The following DIO2 variants were observed in gnomAD, a reference collection of about 807,000 sequenced individuals.
The protein encoded by DIO2 is iodothyronine deiodinase 2, also known as type II iodothyronine deiodinase.
Under a neutral mutation model 21.4 loss-of-function variants are expected in DIO2, and 19 were observed. The observed-to-expected ratio is 0.89, with a 90% CI of 0.62 to 1.30. DIO2 has a LOEUF of 1.30. DIO2 is among the 50% of genes most tolerant of loss of function. DIO2 has a pLI of 0.00. For synonymous variants in DIO2, 122 were observed against 132.9 expected (o/e 0.92, Z 0.57); for missense variants, 302 against 338.1 (o/e 0.89, Z 0.84).
intron 2 of DIO2, among the ~76,000 whole-genome samples, chr14:80,226,565 C>A (rs1888580663): frequency 6.6e-6 from 1 of 152,210 alleles, no homozygotes. Context: ...GCTGGCTGAT[C>A]ACCCCAAGGA....
intron 2 of DIO2, among the ~76,000 whole-genome samples, chr14:80,218,090 A>G (rs540365239): frequency 3.0e-4 from 45 of 152,320 alleles, no homozygotes; most frequent in African/African-American, 9.6e-4. Flanking sequence ...ACTTAGCTGT[A>G]TTCTAAAAAT....
chr14:80,212,639 A>G (rs1430195001), upstream of DIO2, among the ~76,000 whole-genome samples: 1 of 152,104 alleles, frequency 6.6e-6, no homozygotes, highest in Non-Finnish European at 1.5e-5. Context: ...CAATCTTTAT[A>G]CCTTTATACC....
In DIO2 at chr14:80,202,294, C is replaced by A; in HGVS notation, c.*395G>T. The A allele has an allele frequency of 1.9e-6, 1 of 523,694 alleles. No homozygotes were observed. The highest frequency in any genetic ancestry group is 3.8e-6 in the Non-Finnish European group (1 of 263,366). The allele number at this position is 523,694 out of a possible 1,614,324, so 32.4% of individuals were successfully genotyped here. A position where few individuals can be genotyped will look rare whatever the true frequency, so the allele number is the denominator to read the frequency against. ...CCATCCATGCCAAATAGAGCCAAGGCAATACCCTTTATCTTAACGTAGACA... is the reference window on the plus strand; with the variant it reads ...CCATCCATGCCAAATAGAGCCAAGGAAATACCCTTTATCTTAACGTAGACA... On this transcript the variant is annotated 3_prime_UTR_variant, in exon 2 of 2. Coordinates refer to ENST00000438257, the MANE Select transcript of DIO2 (RefSeq NM_013989.5).
intron 1 of DIO2, 110 bp from the exon 2 acceptor site, chr14:80,203,398 T>A: frequency 7.8e-7 from 1 of 1,282,638 alleles, no homozygotes; most frequent in South Asian, 1.7e-5. Context: ...TCTAATAGAG[T>A]GTGGTATTTC....
chr14:80,215,588 G>A (rs1888332189), upstream of DIO2, among the ~76,000 whole-genome samples: 2 of 152,164 alleles, frequency 1.3e-5, no homozygotes, highest in African/African-American at 4.8e-5. Context: ...TCTAATTCCA[G>A]TGATTTGTCA....
At chr14:80,214,394 T>C (rs1429561030), upstream of DIO2, among the ~76,000 whole-genome samples, 1 of 152,232 alleles carries the variant, frequency 6.6e-6, no homozygotes, top group African/African-American at 2.4e-5. Context: ...TTCTTTTAAA[T>C]GTGAAGTTCA....
chr14:80,216,912 T>C (rs1345957626), intron 2 of DIO2, among the ~76,000 whole-genome samples: 1 of 152,180 alleles, frequency 6.6e-6, no homozygotes, highest in Non-Finnish European at 1.5e-5. Flanking sequence ...TTACAGCAGC[T>C]TTTTTAAAAA....
exon 3 of DIO2, chr14:80,216,718 C>G (rs1757809949): frequency 1.3e-5 from 2 of 152,084 alleles, no homozygotes; most frequent in African/African-American, 4.8e-5. Context: ...GTGACTCAAT[C>G]TCTTCTTTCT....
At chr14:80,227,297 G>T (rs970576368) in intron 2 of DIO2, among the ~76,000 whole-genome samples, 1 of 152,198 alleles carries the variant, frequency 6.6e-6, no homozygotes, top group Admixed American at 6.5e-5. Flanking sequence ...CAGGAGTGGA[G>T]ACCATGGGCA....
intron 1 of DIO2, among the ~76,000 whole-genome samples, chr14:80,209,560 C>A (rs576904641): frequency 2.6e-5 from 4 of 152,248 alleles, no homozygotes; most frequent in Admixed American, 1.3e-4. Context: ...CTAAAACAAA[C>A]CATTAAAAAC....
rs974088046 is a variant in DIO2, at chr14:80,198,450, A to G, written c.*4239T>C. On this transcript the variant is annotated 3_prime_UTR_variant, in exon 2 of 2. Coordinates refer to ENST00000438257, the MANE Select transcript of DIO2 (RefSeq NM_013989.5). ...GTTTTGCTCATCCTAAAGTCACTCA[A>G]TGACTTGCAGCAGCCTTCAGCCTTC... 6.6e-6 allele frequency: 1 copy of G among 152,660 alleles called. No homozygotes were observed. The highest frequency in any genetic ancestry group is 1.5e-5 in the Non-Finnish European group (1 of 68,062). The allele number at this position is 152,660 out of a possible 1,614,324, so 9.5% of individuals were successfully genotyped here.
intron 2 of DIO2, among the ~76,000 whole-genome samples, chr14:80,226,384 T>C (rs1456206962): frequency 1.3e-5 from 2 of 152,208 alleles, no homozygotes; most frequent in Non-Finnish European, 2.9e-5. Flanking sequence ...CTGTGTGGAA[T>C]ATCATGATGG....
At chr14:80,224,892 T>C (rs1888541481) in intron 2 of DIO2, among the ~76,000 whole-genome samples, 1 of 152,138 alleles carries the variant, frequency 6.6e-6, no homozygotes, top group African/African-American at 2.4e-5. Flanking sequence ...TTAACTTACA[T>C]GATCACAAGG....
chr14:80,224,187 G>A lies in DIO2; in HGVS notation c.-277-7450C>T, dbSNP rs191338317. Among the ~76,000 whole-genome samples the A allele has an allele frequency of 1.9e-4, 29 of 152,138 alleles. No individual in the cohort carries two copies. In the East Asian group the frequency reaches 2.3e-3, roughly 12 times the overall value. On this transcript the variant is annotated intron_variant, in intron 2 of 4. Transcript: ENST00000553594. ...TTTGTAAATGAGAAAACCAATACTC[G>A]GGGAAGGGTGAAGCAAATTGCCAAA...
At chr14:80,229,897 T>C (rs1033175645) in intron 2 of DIO2, among the ~76,000 whole-genome samples, 4 of 152,126 alleles carry the variant, frequency 2.6e-5, no homozygotes, top group African/African-American at 9.7e-5. Flanking sequence ...ACAGTTCTTT[T>C]TGAATGTAGC....
rs1265234126 is a variant in DIO2, at chr14:80,217,110, C to G, written c.-277-373G>C. Reference sequence around the variant, plus strand: ...CTAAGTAAGGCTCAAAGAAAATAAACTAGATATTCTATTCTAACCTCAGTG... The same window carrying G: ...CTAAGTAAGGCTCAAAGAAAATAAAGTAGATATTCTATTCTAACCTCAGTG... On this transcript the variant is annotated intron_variant, in intron 2 of 4. Coordinates refer to the DIO2 transcript ENST00000553594. 3.3e-5 allele frequency among the ~76,000 whole-genome samples: 5 copies of G among 152,284 alleles called. No individual in the cohort carries two copies. The East Asian group carries it at 5.8e-4, about 18-fold the overall frequency.
intron 2 of DIO2, among the ~76,000 whole-genome samples, chr14:80,216,972 A>G (rs1016258018): frequency 5.3e-5 from 8 of 152,232 alleles, no homozygotes; most frequent in African/African-American, 1.7e-4. Flanking sequence ...AACACCAAGC[A>G]TGACAAAATA....
At chr14:80,223,681 G>A (rs1888512889) in intron 2 of DIO2, among the ~76,000 whole-genome samples, 1 of 152,178 alleles carries the variant, frequency 6.6e-6, no homozygotes, top group South Asian at 2.1e-4. Context: ...AGAGTAGAAT[G>A]TAATTTCTTC....
intron 2 of DIO2, among the ~76,000 whole-genome samples, chr14:80,228,653 G>A (rs975393676): frequency 6.6e-6 from 1 of 152,194 alleles, no homozygotes; most frequent in East Asian, 1.9e-4. Flanking sequence ...CACCCTACCA[G>A]GCAGGGAGCC....
Sources: gnomAD v4.1 joint callset for allele counts (sites outside exome capture counted in the v4.1 genomes callset) on GRCh38, gnomAD v4.1.1 for gene constraint, MANE v1.5 for transcripts, NCBI Gene and HGNC (gene_info 2026-07-23, HGNC 2026-07-21) for gene names.